The following PRKAR1B variants were observed in gnomAD, a reference collection of about 807,000 sequenced individuals.
PRKAR1B encodes cAMP-dependent protein kinase type I-beta regulatory subunit.
Under a neutral mutation model 46.5 loss-of-function variants are expected in PRKAR1B, and 22 were observed. The ratio of observed to expected loss-of-function variants is 0.47; its 90% CI spans 0.34 to 0.68. The LOEUF (loss-of-function observed/expected upper bound fraction) is 0.68, where lower values mean the gene tolerates loss of function less well. PRKAR1B is among the 30% of genes least tolerant of loss of function. The pLI is 0.01. For synonymous variants in PRKAR1B, 259 were observed against 217.7 expected, an observed-to-expected ratio of 1.19 and a Z score of -1.67; for missense variants, 445 against 535.6, an observed-to-expected ratio of 0.83 and a Z score of 1.67.
rs1781335411 is a variant in PRKAR1B, at chr7:727,033, C to CGCCGCGCCGCGCGGCCCCGCGATGCCCT, written c.-23+149_-23+176dup. The stretch of plus-strand genomic sequence containing the variant: ...AGTGCACCTGCTGGATCTGGGCCTG[C>CGCCGCGCCGCGCGGCCCCGCGATGCCCT]GCCGCGCCGCGCGGCCCCGCGATGC... On this transcript the variant is annotated intron_variant, in intron 1 of 10. Coordinates refer to ENST00000537384, the MANE Select transcript of PRKAR1B (RefSeq NM_001164760.2). 2.7e-6 allele frequency: 3 copies of CGCCGCGCCGCGCGGCCCCGCGATGCCCT among 1,130,994 alleles called. No individual in the cohort carries two copies. The highest frequency in any genetic ancestry group is 1.7e-5 in the African/African-American group (1 of 60,426). The allele number at this position is 1,130,994 out of a possible 1,614,324, so 70.1% of individuals were successfully genotyped here.
intron 4 of PRKAR1B, among the ~76,000 whole-genome samples, chr7:663,142 T>C (rs1008100539): frequency 3.9e-5 from 6 of 152,192 alleles, no homozygotes; most frequent in African/African-American, 1.4e-4. Context: ...GAAGAATCAG[T>C]CACTTCCTCA....
intron 4 of PRKAR1B, among the ~76,000 whole-genome samples, chr7:643,019 C>T (rs567233559): frequency 6.6e-6 from 1 of 151,618 alleles, no homozygotes; most frequent in South Asian, 2.1e-4. Flanking sequence ...TGGAGTAGTA[C>T]CTGGAATTCT....
At chr7:658,070 C>A (rs545268200) in intron 4 of PRKAR1B, among the ~76,000 whole-genome samples, 1 of 152,102 alleles carries the variant, frequency 6.6e-6, no homozygotes, top group East Asian at 1.9e-4. Context: ...AGCATATGGA[C>A]GGCGAATGTG....
At chr7:727,581 C>A (rs1781389845), upstream of PRKAR1B, 2 of 233,644 alleles carry the variant, frequency 8.6e-6, no homozygotes, top group Non-Finnish European at 1.6e-5. Context: ...GTCCTCTACC[C>A]CCATGTACCT....
At position 593,974 on chromosome 7, in the gene PRKAR1B, C is replaced by T. The variant is rs1044939737; in HGVS notation, c.708+2172G>A. On this transcript the variant is annotated intron_variant, in intron 7 of 10. Coordinates refer to ENST00000537384, the MANE Select transcript of PRKAR1B (RefSeq NM_001164760.2). This position sits in a 1 kb window ranked among gnomAD's most constrained non-coding sequence, Gnocchi z 6.1. Reference sequence around the variant, plus strand: ...GCATCGCCGTGGGGCCGGGACAGGCCAGCGCCAGCAGGACACCGTCTCTCA... The same window carrying T: ...GCATCGCCGTGGGGCCGGGACAGGCTAGCGCCAGCAGGACACCGTCTCTCA... Among the ~76,000 whole-genome samples the T allele has an allele frequency of 6.6e-6, 1 of 152,178 alleles. No individual in the cohort carries two copies. Among genetic ancestry groups the T allele is most frequent in the Non-Finnish European group, 1.5e-5 (1 of 68,024 alleles).
At chr7:570,752 C>G (rs1464354698) in intron 9 of PRKAR1B, among the ~76,000 whole-genome samples, 1 of 152,156 alleles carries the variant, frequency 6.6e-6, no homozygotes, top group Non-Finnish European at 1.5e-5. Context: ...CAGCAGAGCT[C>G]TGCAACCGGA....
chr7:572,046 C>A (rs913583794), intron 9 of PRKAR1B, among the ~76,000 whole-genome samples: 1 of 152,114 alleles, frequency 6.6e-6, no homozygotes, highest in African/African-American at 2.4e-5. Flanking sequence ...CTCCTGGGGC[C>A]TGGGGCTGCC....
intron 2 of PRKAR1B, among the ~76,000 whole-genome samples, chr7:692,489 G>A (rs1449611657): frequency 6.6e-6 from 1 of 152,040 alleles, no homozygotes; most frequent in South Asian, 2.1e-4. Flanking sequence ...AGAGAAGGCA[G>A]GTGCATCACA....
At chr7:630,911 CA>C (rs1299226260) in intron 4 of PRKAR1B, among the ~76,000 whole-genome samples, 1 of 152,092 alleles carries the variant, frequency 6.6e-6, no homozygotes, top group African/African-American at 2.4e-5. Flanking sequence ...GCTCCCTGAC[CA>C]TCGCCTGGTT....
intron 4 of PRKAR1B, among the ~76,000 whole-genome samples, chr7:624,133 C>A (rs1332219055): frequency 1.3e-5 from 2 of 152,198 alleles, no homozygotes; most frequent in African/African-American, 4.8e-5. Context: ...AAACTTTTAT[C>A]TTAAAAATAT....
intron 4 of PRKAR1B, among the ~76,000 whole-genome samples, chr7:659,738 G>A (rs909427849): frequency 3.3e-5 from 5 of 152,128 alleles, no homozygotes; most frequent in Non-Finnish European, 7.4e-5. Context: ...TTTTGAGACG[G>A]AGTCTCGCTC....
At chr7:627,101 T>C (rs937559151) in intron 4 of PRKAR1B, among the ~76,000 whole-genome samples, 3 of 152,248 alleles carry the variant, frequency 2.0e-5, no homozygotes, top group East Asian at 1.9e-4. Flanking sequence ...TCTCAATCTC[T>C]TGACCTCGTG....
chr7:600,565 C>G (rs1781530883), intron 6 of PRKAR1B, among the ~76,000 whole-genome samples: 1 of 152,236 alleles, frequency 6.6e-6, no homozygotes, highest in African/African-American at 2.4e-5. Flanking sequence ...GATCAGATCA[C>G]CAAGCTGAGG....
intron 1 of PRKAR1B, among the ~76,000 whole-genome samples, chr7:725,895 G>A (rs1351837265): frequency 2.0e-5 from 3 of 152,112 alleles, no homozygotes; most frequent in Non-Finnish European, 2.9e-5. Flanking sequence ...TCCCACCCAG[G>A]AACAGAAGAC....
At chr7:668,009 C>G (rs1026247428) in intron 4 of PRKAR1B, among the ~76,000 whole-genome samples, 20 of 152,242 alleles carry the variant, frequency 1.3e-4, no homozygotes, top group Admixed American at 1.3e-3. Flanking sequence ...CCTTATGTAT[C>G]TCCCACACTG....
rs1375794557 is a variant in PRKAR1B, at chr7:666,203, C to A, written c.440+11026G>T. Among the ~76,000 whole-genome samples the A allele has an allele frequency of 3.3e-5, 5 of 152,154 alleles. No individual in the cohort carries two copies. The highest frequency in any genetic ancestry group is 1.2e-4 in the African/African-American group (5 of 41,414). On this transcript the variant is annotated intron_variant, in intron 4 of 10. Coordinates refer to ENST00000537384, the MANE Select transcript of PRKAR1B (RefSeq NM_001164760.2). This position sits in a 1 kb window ranked among gnomAD's most constrained non-coding sequence, Gnocchi z 4.9. The stretch of plus-strand genomic sequence containing the variant: ...CGGGATAGAACCCAAGGGCCTCCAC[C>A]TCACTCCCCAAGGCCTGGGACACAC...
rs1477895703 is a variant in PRKAR1B, at chr7:714,905, G to T, written c.-22-3378C>A. Among the ~76,000 whole-genome samples, 2 of 152,178 alleles carry T rather than the reference G, an allele frequency of 1.3e-5. No homozygotes were observed. The highest frequency in any genetic ancestry group is 2.9e-5 in the Non-Finnish European group (2 of 68,034). On this transcript the variant is annotated intron_variant, in intron 1 of 10. Coordinates refer to ENST00000537384, the MANE Select transcript of PRKAR1B (RefSeq NM_001164760.2). This position sits in a 1 kb window ranked among gnomAD's most constrained non-coding sequence, Gnocchi z 4.3. Reference sequence around the variant, plus strand: ...TTATGTTCATCAATAAATACCTTTGGCCGGATGCGGTGGTTCACACCTGTA... The same window carrying T: ...TTATGTTCATCAATAAATACCTTTGTCCGGATGCGGTGGTTCACACCTGTA...
intron 4 of PRKAR1B, among the ~76,000 whole-genome samples, chr7:636,407 ACCGGCCGCGCCCACACG>A: frequency 1.5e-5 from 1 of 68,322 alleles, no homozygotes; most frequent in African/African-American, 5.3e-5. Flanking sequence ...CACGTCCTCC[ACCGGCCGCGCCCACACG>A]TCCTCCACCG....
At chr7:722,453 T>G (rs1406236678) in intron 1 of PRKAR1B, among the ~76,000 whole-genome samples, 3 of 151,542 alleles carry the variant, frequency 2.0e-5, no homozygotes, top group Non-Finnish European at 1.5e-5. Flanking sequence ...TCCAGGCTGG[T>G]TTCAAACTCC....
Sources: gnomAD v4.1 joint callset for allele counts (sites outside exome capture counted in the v4.1 genomes callset) on GRCh38, gnomAD v4.1.1 for gene constraint, Gnocchi (gnomAD v3.1) non-coding constraint, MANE v1.5 for transcripts, NCBI Gene and HGNC (gene_info 2026-07-23, HGNC 2026-07-21) for gene names.